SMYD3: variants seen among roughly 807,000 people sequenced by gnomAD.
The protein encoded by SMYD3 is SET and MYND domain containing 3.
In SMYD3, 36 loss-of-function variants were observed where a neutral mutation model predicts 57.7. The ratio of observed to expected loss-of-function variants is 0.62; its 90% CI spans 0.48 to 0.82. The LOEUF is 0.82. Ranked by LOEUF, SMYD3 falls within the 40% of genes least tolerant of loss-of-function variation. SMYD3 has a pLI of 0.00. For missense variants in SMYD3, 515 were observed against 538.8 expected (o/e 0.96, Z 0.44); for synonymous variants, 211 against 195.0 (o/e 1.08, Z -0.68).
chr1:245,817,273 C>G (rs1272770259), intron 10 of SMYD3, among the ~76,000 whole-genome samples: 1 of 143,674 alleles, frequency 7.0e-6, no homozygotes, highest in Non-Finnish European at 1.5e-5. Context: ...GGAGGCACCC[C>G]CCAGCAGGGG....
At position 246,138,564 on chromosome 1, in the gene SMYD3, T is replaced by C. The variant is rs563890522; in HGVS notation, c.531+188637A>G. ...CCTCAGCCTCCCGAGTAGCTGGGAC[T>C]GCAGGCTCCCGCCACCACGCCCGGC... On this transcript the variant is annotated intron_variant, in intron 5 of 11. Transcript: ENST00000490107. Among the ~76,000 whole-genome samples, 233 of 101,332 alleles carry C rather than the reference T, an allele frequency of 2.3e-3. 28 individuals carry two copies. Among genetic ancestry groups the C allele is most frequent in the African/African-American group, 6.0e-3 (229 of 38,060 alleles). 66.5% of individuals were successfully genotyped at this position (101,332 alleles called of 152,430 possible). A position where few individuals can be genotyped will look rare whatever the true frequency, so the allele number is the denominator to read the frequency against.
intron 5 of SMYD3, among the ~76,000 whole-genome samples, chr1:245,953,917 A>T (rs748133788): frequency 6.6e-6 from 1 of 152,240 alleles, no homozygotes; most frequent in Non-Finnish European, 1.5e-5. Flanking sequence ...ACACAACAGA[A>T]CTTCAGCAAG....
rs1384863370 is a variant in SMYD3, at chr1:245,818,426, G to A, written c.1076+40070C>T. ...ACATCGAAAGGAACAACCGGTACCA[G>A]CCACTGCAAAATCATGCCAAAATGT... is the stretch of plus-strand genomic sequence containing the variant. On this transcript the variant is annotated intron_variant, in intron 10 of 11. Transcript: ENST00000490107. Among the ~76,000 whole-genome samples, 4 of 152,252 alleles carry A rather than the reference G, an allele frequency of 2.6e-5. No homozygotes were observed. In the East Asian group the frequency reaches 7.7e-4, roughly 29 times the overall value.
chr1:245,839,248 C>T (rs2050264840), intron 10 of SMYD3, among the ~76,000 whole-genome samples: 1 of 152,218 alleles, frequency 6.6e-6, no homozygotes, highest in Non-Finnish European at 1.5e-5. Flanking sequence ...CAGCTCACTG[C>T]AAGCTCCGCC....
intron 5 of SMYD3, among the ~76,000 whole-genome samples, chr1:246,324,421 A>G (rs2148656117): frequency 6.6e-6 from 1 of 151,448 alleles, no homozygotes; most frequent in East Asian, 1.9e-4. Context: ...CATCTCAAAA[A>G]AAAAAAAAAA....
At chr1:245,815,342 C>A (rs910676535) in intron 10 of SMYD3, among the ~76,000 whole-genome samples, 2 of 152,230 alleles carry the variant, frequency 1.3e-5, no homozygotes, top group African/African-American at 4.8e-5. Context: ...GGGGTGCACA[C>A]AGACATGACC....
chr1:246,387,370 A>G (rs2066501814), intron 1 of SMYD3, among the ~76,000 whole-genome samples: 2 of 152,240 alleles, frequency 1.3e-5, no homozygotes, highest in Admixed American at 6.5e-5. Flanking sequence ...TATGCAAAAC[A>G]TTTAATGTAT....
chr1:245,818,390 G>A (rs1438705701), intron 10 of SMYD3, among the ~76,000 whole-genome samples: 1 of 152,216 alleles, frequency 6.6e-6, no homozygotes, highest in East Asian at 1.9e-4. Context: ...AGCTCCTGAA[G>A]GAAGCGCTAA....
intron 1 of SMYD3, among the ~76,000 whole-genome samples, chr1:246,444,039 T>C (rs1395319790): frequency 1.3e-5 from 2 of 152,128 alleles, no homozygotes; most frequent in Non-Finnish European, 2.9e-5. Context: ...AGTCCTGCCA[T>C]GGGTTTGTTA....
chr1:246,362,973 T>C (rs914119940), intron 1 of SMYD3, among the ~76,000 whole-genome samples: 2 of 147,454 alleles, frequency 1.4e-5, no homozygotes, highest in East Asian at 2.1e-4. Flanking sequence ...GTCTGGAAAG[T>C]GAGGAGCGTC....
chr1:246,238,151 C>T (rs971707737), intron 5 of SMYD3, among the ~76,000 whole-genome samples: 1 of 152,064 alleles, frequency 6.6e-6, no homozygotes, highest in Non-Finnish European at 1.5e-5. Flanking sequence ...GCAGCCTCAA[C>T]CTCCCGGGCT....
At chr1:246,347,526 A>G (rs1350765126) in intron 2 of SMYD3, among the ~76,000 whole-genome samples, 5 of 152,216 alleles carry the variant, frequency 3.3e-5, no homozygotes, top group Admixed American at 3.3e-4. Flanking sequence ...GAAAATCTCA[A>G]AACACTTGAA....
intron 5 of SMYD3, among the ~76,000 whole-genome samples, chr1:245,931,085 C>T (rs1256350614): frequency 2.6e-5 from 4 of 152,178 alleles, no homozygotes; most frequent in Non-Finnish European, 5.9e-5. Context: ...AGCTCAAAGA[C>T]GGAGTGGGAT....
intron 5 of SMYD3, among the ~76,000 whole-genome samples, chr1:245,966,394 C>T (rs553985671): frequency 6.6e-6 from 1 of 152,176 alleles, no homozygotes; most frequent in Non-Finnish European, 1.5e-5. Context: ...GTCTTGAACT[C>T]CTGGCCTCAA....
chr1:245,850,593 CGA>C (rs2050917856), intron 10 of SMYD3, among the ~76,000 whole-genome samples: 2 of 152,006 alleles, frequency 1.3e-5, no homozygotes, highest in African/African-American at 4.8e-5. Flanking sequence ...CTCATCTACT[CGA>C]GAGGCTGAGG....
intron 8 of SMYD3, among the ~76,000 whole-genome samples, chr1:245,889,284 C>T (rs2053252948): frequency 6.6e-6 from 1 of 152,144 alleles, no homozygotes; most frequent in Non-Finnish European, 1.5e-5. Context: ...TTTTGCATGG[C>T]ACCATGTTCT....
chr1:246,179,404 G>A (rs2062494199), intron 5 of SMYD3, among the ~76,000 whole-genome samples: 1 of 152,170 alleles, frequency 6.6e-6, no homozygotes, highest in African/African-American at 2.4e-5. Context: ...GGTTGTATGT[G>A]TGTCCTACAT....
At chr1:245,960,913 G>T (rs1307809626) in intron 5 of SMYD3, among the ~76,000 whole-genome samples, 3 of 152,060 alleles carry the variant, frequency 2.0e-5, no homozygotes, top group Non-Finnish European at 4.4e-5. Context: ...ACTCCCTCGG[G>T]ACCTATTCCA....
At chr1:246,200,870 C>A (rs188245800) in intron 5 of SMYD3, among the ~76,000 whole-genome samples, 6 of 152,270 alleles carry the variant, frequency 3.9e-5, no homozygotes, top group East Asian at 1.9e-4. Flanking sequence ...AAACCTAGGT[C>A]TTTCTAACCT....
Sources: gnomAD v4.1 joint callset for allele counts (sites outside exome capture counted in the v4.1 genomes callset) on GRCh38, gnomAD v4.1.1 for gene constraint, MANE v1.5 for transcripts, NCBI Gene and HGNC (gene_info 2026-07-23, HGNC 2026-07-21) for gene names.